ADAMTS9: variants seen among roughly 807,000 people sequenced by gnomAD.
The protein encoded by ADAMTS9 is A disintegrin and metalloproteinase with thrombospondin motifs 9.
ADAMTS9 carries 107 observed loss-of-function variants against 257.1 expected under a neutral mutation model. That is an observed-to-expected ratio of 0.42 (90% CI 0.36 to 0.49). ADAMTS9 has a LOEUF of 0.49. Among genes scored for constraint, ADAMTS9 ranks in the 20% least tolerant of loss-of-function variants. The pLI is 0.03. For synonymous variants in ADAMTS9, 982 were observed against 880.9 expected (o/e 1.11, Z -2.03); for missense variants, 2,353 against 2,469.1 (o/e 0.95, Z 1.00).
At chr3:64,631,320 T>G in intron 16 of ADAMTS9, 135 bp downstream of exon 16, 10 of 709,318 alleles carry the variant, frequency 1.4e-5, no homozygotes, top group Non-Finnish European at 2.2e-5. Context: ...ATGGTGAATT[T>G]TGAGAGCCAC....
In ADAMTS9 at chr3:64,593,370, G is replaced by A. The variant is rs544433944; in HGVS notation, c.4356+888C>T. Among the ~76,000 whole-genome samples, 9 of 152,214 alleles carry A rather than the reference G, an allele frequency of 5.9e-5. No homozygotes were observed. In the East Asian group the frequency reaches 1.4e-3, roughly 23 times the overall value. ...ACCATACTGGGTAAAAAAACATTCTGGATATGACTTAATACAATACTAAAT... is the reference window on the plus strand; with the variant it reads ...ACCATACTGGGTAAAAAAACATTCTAGATATGACTTAATACAATACTAAAT... On this transcript the variant is annotated intron_variant, in intron 28 of 39. Transcript: ENST00000498707.
In ADAMTS9 at chr3:64,546,765, C is replaced by G; in HGVS notation, c.5057G>C (p.Trp1686Ser). 6.2e-7 allele frequency: 1 copy of G among 1,600,712 alleles called. No homozygotes were observed. The highest frequency in any genetic ancestry group is 8.5e-7 in the Non-Finnish European group (1 of 1,174,190). ...PVSATWRVGN[W>S]GSCSVSCGVG... ...GCTCAGTCTTCTACTTACGCTCCCC[C>G]AGTTGCCAACTCTCCAGGTGGCCGA... Residue 1686 changes from tryptophan to serine, a missense_variant, in exon 32 of 40, where the codon TGG becomes TCG. Around this residue, in one of 3 missense-constraint regions of ADAMTS9, gnomAD observed 1,402 missense variants for 1,441.4 expected, o/e 0.97. Transcript: ENST00000498707.
rs139230198 is a variant in ADAMTS9, at chr3:64,647,332, C to G, written c.1710+608G>C. Among the ~76,000 whole-genome samples, 117 of 152,202 alleles carry G rather than the reference C, an allele frequency of 7.7e-4. 1 individual carries two copies. Among genetic ancestry groups the G allele is most frequent in the Middle Eastern group, 6.8e-3 (2 of 294 alleles). ...TACAGAAGGTTAAGTTAATCATACT[C>G]CTAGGTGCATGAGACACTGTTACCA... On this transcript the variant is annotated intron_variant, in intron 11 of 39. Coordinates refer to ENST00000498707, the MANE Select transcript of ADAMTS9 (RefSeq NM_182920.2).
chr3:64,540,266 T>G (rs2106908757), intron 36 of ADAMTS9, among the ~76,000 whole-genome samples: 1 of 152,346 alleles, frequency 6.6e-6, no homozygotes, highest in Admixed American at 6.5e-5. Flanking sequence ...ACGTTTAATC[T>G]ATCTCAAGAG....
intron 28 of ADAMTS9, chr3:64,587,443 T>C (rs1042775996): frequency 6.6e-6 from 1 of 152,206 alleles, no homozygotes; most frequent in African/African-American, 2.4e-5. Flanking sequence ...GACAGGTAGC[T>C]ATTTAGAGTA....
intron 3 of ADAMTS9, among the ~76,000 whole-genome samples, chr3:64,666,058 A>T (rs572068025): frequency 1.3e-5 from 2 of 152,340 alleles, no homozygotes; most frequent in Non-Finnish European, 2.9e-5. Context: ...ATCTTTTAAA[A>T]AAAGGATTAC....
At position 64,641,851 on chromosome 3, in the gene ADAMTS9, G is replaced by A. The variant is rs774600208; in HGVS notation, c.1853C>T (p.Pro618Leu). The A allele has an allele frequency of 3.7e-6, 6 of 1,613,838 alleles. No homozygotes were observed. The highest frequency in any genetic ancestry group is 3.4e-6 in the Non-Finnish European group (4 of 1,179,970). ...IKTAIRECNR[P>L]EPKNGGKYCV... ...AGTTATACATTCTAGGACTTACTCT[G>A]GTCTGTTGCACTCTCGAATGGCTGT... Residue 618 changes from proline (P) to leucine (L), a missense_variant, in exon 12 of 40, where the codon CCA (proline) becomes CTA (leucine). Physicochemically the swap from Pro to Leu is moderately conservative, Grantham distance 98. Transcript: ENST00000498707.
At chr3:64,568,243 C>G in intron 29 of ADAMTS9, 125 bp downstream of exon 29, 1 of 963,438 alleles carries the variant, frequency 1.0e-6, no homozygotes, top group Non-Finnish European at 1.5e-6. Context: ...ATGATTCTCC[C>G]CTCCCAGTCC....
intron 39 of ADAMTS9, among the ~76,000 whole-genome samples, chr3:64,517,429 T>G (rs866714665): frequency 2.3e-5 from 3 of 130,592 alleles, no homozygotes; most frequent in Non-Finnish European, 3.3e-5. Context: ...TTTTTTTTTT[T>G]TTTTTTTTTT....
intron 36 of ADAMTS9, among the ~76,000 whole-genome samples, chr3:64,540,355 A>T (rs1326463004): frequency 2.0e-5 from 3 of 152,194 alleles, no homozygotes; most frequent in African/African-American, 7.2e-5. Flanking sequence ...CCTTTATGCA[A>T]GGGAACATGT....
rs1458694388 is a variant in ADAMTS9, at chr3:64,658,729, T to A, written c.742A>T (p.Ile248Phe). ...GCTGCTACGTCACCAGCCAGGTTAA[T>A]CCTTTCTCCCCATTTTCTTGCTCTG... ...KTRARKWGER[I>F]NLAGDVAALN... The change falls in exon 4 of 40, where the codon ATT (isoleucine) becomes TTT (phenylalanine). Residue 248 changes from isoleucine to phenylalanine, a missense_variant. By Grantham distance (21) the Ile-to-Phe change is conservative. Transcript: ENST00000498707. 1 of 1,614,210 alleles carries A rather than the reference T, an allele frequency of 6.2e-7. No individual in the cohort carries two copies. Among genetic ancestry groups the A allele is most frequent in the South Asian group, 1.1e-5 (1 of 91,082 alleles).
rs374730448 is a variant in ADAMTS9 at position 64,594,393 on chromosome 3, C to G, written c.4221G>C (p.Val1407=). 3 of 1,614,070 alleles carry G rather than the reference C, an allele frequency of 1.9e-6. No homozygotes were observed. Among genetic ancestry groups the G allele is most frequent in the Non-Finnish European group, 2.5e-6 (3 of 1,179,966 alleles). Residue 1407 remains valine (V), a synonymous_variant, in exon 28 of 40, where the codon GTG becomes GTC. Transcript: ENST00000498707. ...GTTCACCGTTGGACCGCTGACAGACCACCAGTCTTGTTCTTATGCCTCCAC... is the reference window on the plus strand; with the variant it reads ...GTTCACCGTTGGACCGCTGACAGACGACCAGTCTTGTTCTTATGCCTCCAC... The part of the protein sequence containing the change: ...LCGGGIRTRL[V]VCQRSNGERF...
intron 38 of ADAMTS9, among the ~76,000 whole-genome samples, chr3:64,530,197 G>A (rs547198449): frequency 6.6e-6 from 1 of 152,110 alleles, no homozygotes; most frequent in Non-Finnish European, 1.5e-5. Flanking sequence ...TGCTTTAGTG[G>A]AATGCTGGCT....
intron 3 of ADAMTS9, among the ~76,000 whole-genome samples, chr3:64,671,250 C>A (rs1237444897): frequency 2.0e-5 from 3 of 152,158 alleles, no homozygotes; most frequent in African/African-American, 7.2e-5. Context: ...CTCAAACACA[C>A]TGTGCTTAGT....
chr3:64,536,761 G>C (rs1047908041), intron 37 of ADAMTS9, among the ~76,000 whole-genome samples: 1 of 152,134 alleles, frequency 6.6e-6, no homozygotes, highest in African/African-American at 2.4e-5. Flanking sequence ...AAGCAAAGAC[G>C]CATAATAAAT....
rs533152536 is a variant in ADAMTS9 at position 64,642,057 on chromosome 3, T to G, written c.1711-64A>C. Reference sequence around the variant, plus strand: ...CTGTGAGTTGTTACAGGACTGGCTGTCCTTTTAAACACACCATACTGTAAT... The same window carrying G: ...CTGTGAGTTGTTACAGGACTGGCTGGCCTTTTAAACACACCATACTGTAAT... On this transcript the variant is annotated intron_variant, in intron 11 of 39. Transcript: ENST00000498707. 2.1e-5 allele frequency: 33 copies of G among 1,579,590 alleles called. No individual in the cohort carries two copies. In the East Asian group the frequency reaches 6.5e-4, roughly 31 times the overall value.
chr3:64,615,449 T>G lies in ADAMTS9; in HGVS notation c.3061A>C (p.Arg1021=), dbSNP rs765841732. ...KSCDGGTQRR[R]AICVNTRNDV... is the part of the protein sequence containing the mutation. ...TTTCGGGTATTGACACAAATAGCCC[T>G]TCTCCTCTGGGTCCCACCGTCACAG... is the stretch of plus-strand genomic sequence containing the variant. Residue 1021 remains arginine, a synonymous_variant, in exon 21 of 40, where the codon AGG becomes CGG. Coordinates refer to ENST00000498707, the MANE Select transcript of ADAMTS9 (RefSeq NM_182920.2). 5 of 1,613,922 alleles carry G rather than the reference T, an allele frequency of 3.1e-6. No homozygotes were observed. In the East Asian group the frequency reaches 1.1e-4, roughly 36 times the overall value.
intron 28 of ADAMTS9, among the ~76,000 whole-genome samples, chr3:64,574,413 C>T (rs538990037): frequency 2.0e-5 from 3 of 151,894 alleles, no homozygotes; most frequent in African/African-American, 7.2e-5. Context: ...CACCAGGAAG[C>T]AGGAGAGTTA....
At chr3:64,522,629 T>C (rs150176591) in intron 38 of ADAMTS9, 2,561 of 166,840 alleles carry the variant, frequency 0.015, 64 homozygotes, top group African/African-American at 0.057. Flanking sequence ...CTGATGTCTA[T>C]AGCTGCTTTC....
Sources: gnomAD v4.1 joint callset for allele counts (sites outside exome capture counted in the v4.1 genomes callset) on GRCh38, gnomAD v4.1.1 for gene constraint, gnomAD v4.1.1 regional missense constraint, MANE v1.5 for transcripts, NCBI Gene and HGNC (gene_info 2026-07-23, HGNC 2026-07-21) for gene names.